Variants in SEMA5A observed in about 807,000 individuals in gnomAD.
The protein encoded by SEMA5A is semaphorin 5A.
In SEMA5A, 55 loss-of-function variants were observed where a neutral mutation model predicts 135.5. The ratio of observed to expected loss-of-function variants is 0.41; its 90% confidence interval spans 0.33 to 0.51. The LOEUF (loss-of-function observed/expected upper bound fraction) is 0.51. SEMA5A is among the 20% of genes least tolerant of loss of function. The pLI is 0.37. For missense variants in SEMA5A, 1,290 were observed against 1,419.9 expected (o/e 0.91, Z 1.47); for synonymous variants, 580 against 546.5 (o/e 1.06, Z -0.85).
intron 17 of SEMA5A, among the ~76,000 whole-genome samples, chr5:9,066,201 GATTT>G (rs1737455404): frequency 1.3e-5 from 2 of 152,218 alleles, no homozygotes; most frequent in African/African-American, 2.4e-5. Flanking sequence ...CTGGGGGCCT[GATTT>G]CATAGTATCA....
intron 16 of SEMA5A, among the ~76,000 whole-genome samples, chr5:9,088,659 T>TATATATATATATACACACACACACAC: frequency 8.9e-6 from 1 of 112,868 alleles, no homozygotes; most frequent in African/African-American, 4.3e-5. Flanking sequence ...TATATATATA[T>TATATATATATATACACACACACACAC]ACACACACAC....
intron 8 of SEMA5A, among the ~76,000 whole-genome samples, chr5:9,214,556 G>A (rs925547019): frequency 2.0e-5 from 3 of 152,236 alleles, no homozygotes; most frequent in Non-Finnish European, 4.4e-5. Context: ...GTTTCTGCAA[G>A]ATGTGGTGGG....
chr5:9,274,595 A>G (rs974311212), intron 5 of SEMA5A, among the ~76,000 whole-genome samples: 4 of 152,208 alleles, frequency 2.6e-5, no homozygotes, highest in East Asian at 1.9e-4. Context: ...AACACTCCTC[A>G]GCAAATGCAA....
At chr5:9,047,382 T>TA (rs1371750394) in intron 21 of SEMA5A, among the ~76,000 whole-genome samples, 1 of 152,188 alleles carries the variant, frequency 6.6e-6, no homozygotes, top group Non-Finnish European at 1.5e-5. Context: ...CTCATGCAAC[T>TA]AAAAATAGCT....
intron 2 of SEMA5A, among the ~76,000 whole-genome samples, chr5:9,392,757 G>A (rs1756218790): frequency 6.6e-6 from 1 of 152,192 alleles, no homozygotes; most frequent in Admixed American, 6.5e-5. Flanking sequence ...ATTATCAACT[G>A]ATTGACTAGG....
chr5:9,486,429 C>T (rs1308404681), intron 1 of SEMA5A, among the ~76,000 whole-genome samples: 3 of 151,970 alleles, frequency 2.0e-5, no homozygotes. Context: ...CATCCTGGAA[C>T]CTAAAGTAAA....
intron 2 of SEMA5A, among the ~76,000 whole-genome samples, chr5:9,385,183 C>T (rs1805922): frequency 0.011 from 1,712 of 152,192 alleles, 31 homozygotes; most frequent in African/African-American, 0.039. Flanking sequence ...TCTATAAGCT[C>T]GATCTAAATA....
rs542558042 is a variant in SEMA5A at position 9,360,968 on chromosome 5, G to A, written c.124+18855C>T. Among the ~76,000 whole-genome samples the A allele has an allele frequency of 2.0e-5, 3 of 152,100 alleles. No homozygotes were observed. The East Asian group carries it at 5.8e-4, about 29-fold the overall frequency. ...AAGATCTATAAAGTATTTTTTAGGG[G>A]CATAACAATAAATAAGACAGAAATC... On this transcript the variant is annotated intron_variant, in intron 3 of 22. Transcript: ENST00000382496.
intron 1 of SEMA5A, among the ~76,000 whole-genome samples, chr5:9,507,470 T>C (rs1735957530): frequency 6.6e-6 from 1 of 152,238 alleles, no homozygotes; most frequent in Non-Finnish European, 1.5e-5. Flanking sequence ...TGCTTTTCCA[T>C]GGTTTCTACA....
intron 11 of SEMA5A, among the ~76,000 whole-genome samples, chr5:9,162,569 T>TACACATATATAC (rs1211538648): frequency 4.0e-5 from 2 of 49,430 alleles, no homozygotes; most frequent in African/African-American, 1.1e-4. Context: ...TGTGTGTATA[T>TACACATATATAC]ATATATATAT....
At chr5:9,355,890 C>A (rs542400638) in intron 3 of SEMA5A, among the ~76,000 whole-genome samples, 2 of 152,336 alleles carry the variant, frequency 1.3e-5, no homozygotes, top group East Asian at 3.9e-4. Context: ...GGAGGGTCAT[C>A]TTATTCCTCT....
At chr5:9,536,542 G>A (rs1737777779) in intron 1 of SEMA5A, among the ~76,000 whole-genome samples, 1 of 151,788 alleles carries the variant, frequency 6.6e-6, no homozygotes, top group Admixed American at 6.6e-5. Context: ...GAACCCGGGA[G>A]GCAGAGGTTA....
chr5:9,399,934 T>A (rs1331132454), intron 2 of SEMA5A, among the ~76,000 whole-genome samples: 1 of 151,982 alleles, frequency 6.6e-6, no homozygotes, highest in East Asian at 1.9e-4. Context: ...CTGGTATACA[T>A]ACAAAGTAAA....
At chr5:9,453,160 T>G (rs143068358) in intron 1 of SEMA5A, among the ~76,000 whole-genome samples, 2 of 152,234 alleles carry the variant, frequency 1.3e-5, no homozygotes, top group South Asian at 2.1e-4. Flanking sequence ...AAAAATACAG[T>G]TGGACCTCAT....
chr5:9,097,280 C>T (rs1739374837), intron 16 of SEMA5A, among the ~76,000 whole-genome samples: 1 of 152,066 alleles, frequency 6.6e-6, no homozygotes, highest in South Asian at 2.1e-4. Flanking sequence ...GAAGCTTATT[C>T]TTTATTAAAT....
chr5:9,237,387 G>T (rs1747966291), intron 6 of SEMA5A, among the ~76,000 whole-genome samples: 1 of 152,112 alleles, frequency 6.6e-6, no homozygotes, highest in Admixed American at 6.5e-5. Flanking sequence ...TATGAAAAGA[G>T]AGTTTATTAT....
chr5:9,231,424 G>A (rs566524008), intron 6 of SEMA5A, among the ~76,000 whole-genome samples: 2 of 143,578 alleles, frequency 1.4e-5, no homozygotes, highest in East Asian at 2.1e-4. Context: ...CCAAGATGGC[G>A]CCACTGCACT....
At chr5:9,523,757 T>C (rs1736963863) in intron 1 of SEMA5A, among the ~76,000 whole-genome samples, 1 of 152,122 alleles carries the variant, frequency 6.6e-6, no homozygotes, top group East Asian at 1.9e-4. Context: ...GTTGGGATGA[T>C]CCTCAGGAGC....
At chr5:9,311,327 C>CA (rs1357851951) in intron 5 of SEMA5A, among the ~76,000 whole-genome samples, 1 of 151,934 alleles carries the variant, frequency 6.6e-6, no homozygotes, top group African/African-American at 2.4e-5. Context: ...AAAATTGACT[C>CA]ACGTTGAAAC....
Sources: allele counts gnomAD v4.1 joint callset (sites outside exome capture counted in the v4.1 genomes callset), GRCh38; gene constraint gnomAD v4.1.1; transcripts MANE v1.5; gene names NCBI Gene and HGNC (gene_info 2026-07-23, HGNC 2026-07-21).